Variants in RYR2 observed in about 807,000 individuals in gnomAD.
RYR2 encodes ryanodine receptor 2, also known as cardiac muscle ryanodine receptor-calcium release channel.
A neutral mutation model predicts 601.1 loss-of-function variants in RYR2; 227 were observed. That is an observed-to-expected ratio of 0.38 (90% CI 0.34 to 0.42). RYR2 has a LOEUF of 0.42. Ranked by LOEUF, RYR2 falls within the 10% of genes least tolerant of loss-of-function variation. The pLI, the probability that RYR2 is intolerant of heterozygous loss-of-function variation, is 1.00. For missense variants in RYR2, 4,646 were observed against 6,156.5 expected, an observed-to-expected ratio of 0.75 and a Z score of 8.21; for synonymous variants, 2,223 against 2,175.1, an observed-to-expected ratio of 1.02 and a Z score of -0.61.
chr1:237,188,832 G>A lies in RYR2; in HGVS notation c.49-81665G>A, dbSNP rs139263610. 1.7e-4 allele frequency among the ~76,000 whole-genome samples: 26 copies of A among 152,250 alleles called. No homozygotes were observed. The East Asian group carries it at 3.5e-3, about 20-fold the overall frequency. On this transcript the variant is annotated intron_variant, in intron 1 of 104. Coordinates refer to ENST00000366574, the MANE Select transcript of RYR2 (RefSeq NM_001035.3). The stretch of plus-strand genomic sequence containing the variant: ...TGCAGCATTATTTTGTAGACTCGAT[G>A]CGGACTGCCTTAATATTTTACAGCA...
intron 70 of RYR2, among the ~76,000 whole-genome samples, chr1:237,710,113 T>G (rs1573620021): frequency 6.6e-6 from 1 of 152,224 alleles, no homozygotes; most frequent in East Asian, 1.9e-4. Flanking sequence ...CACTATTTTG[T>G]GTATTGCAAG....
rs1683042825 is a variant in RYR2 at position 237,654,346 on chromosome 1, G to A, written c.7897G>A (p.Ala2633Thr). ...LPGGWGNFGA[A>T]SEEELHLSRK... is the part of the protein sequence containing the mutation. ...TGGAGGGTGGGGAAACTTTGGTGCT[G>A]CCTCAGAAGAAGAACTTCATTTATC... The change falls in exon 52 of 105, where the codon GCC becomes ACC. Residue 2633 changes from alanine (A) to threonine (T), a missense_variant. Ala to Thr is a moderately conservative substitution (Grantham distance 58). Coordinates refer to ENST00000366574, the MANE Select transcript of RYR2 (RefSeq NM_001035.3). 5.0e-6 allele frequency: 8 copies of A among 1,613,968 alleles called. No individual in the cohort carries two copies. The highest frequency in any genetic ancestry group is 6.8e-6 in the Non-Finnish European group (8 of 1,179,854).
intron 1 of RYR2, among the ~76,000 whole-genome samples, chr1:237,100,010 T>C (rs1338358138): frequency 6.6e-6 from 1 of 152,168 alleles, no homozygotes; most frequent in Non-Finnish European, 1.5e-5. Context: ...CCTCAGCTCC[T>C]GGGGCTAAGG....
intron 90 of RYR2, 66 bp downstream of exon 90, chr1:237,785,038 T>G: frequency 1.7e-6 from 2 of 1,153,998 alleles, no homozygotes; most frequent in Non-Finnish European, 2.5e-6. Flanking sequence ...AAATGATCAT[T>G]AGACCAGGTT....
chr1:237,566,260 C>T (rs1048874211), intron 27 of RYR2, among the ~76,000 whole-genome samples: 2 of 152,112 alleles, frequency 1.3e-5, no homozygotes, highest in Non-Finnish European at 2.9e-5. Context: ...CACCAAGGCA[C>T]TTGGGTTTTG....
intron 56 of RYR2, among the ~76,000 whole-genome samples, chr1:237,663,339 A>G (rs919565077): frequency 4.6e-5 from 7 of 152,352 alleles, no homozygotes; most frequent in Admixed American, 4.6e-4. Context: ...TCTTCTGACT[A>G]AAGGAACACT....
intron 81 of RYR2, 148 bp from the exon 82 acceptor site, chr1:237,757,549 T>C (rs1693056582): frequency 4.0e-6 from 2 of 504,834 alleles, no homozygotes; most frequent in Non-Finnish European, 7.1e-6. Flanking sequence ...GTTAGCATTT[T>C]TTGGAACATA....
intron 22 of RYR2, among the ~76,000 whole-genome samples, chr1:237,505,125 C>A (rs977208243): frequency 9.9e-5 from 15 of 152,240 alleles, no homozygotes; most frequent in East Asian, 3.8e-4. Flanking sequence ...ATCAAGTACT[C>A]TTCCCTTAGG....
At chr1:237,637,224 A>G (rs1273723438) in intron 44 of RYR2, among the ~76,000 whole-genome samples, 1 of 152,134 alleles carries the variant, frequency 6.6e-6, no homozygotes, top group Non-Finnish European at 1.5e-5. Flanking sequence ...TTTTAGCTAT[A>G]TTATTATTTA....
chr1:237,705,678 T>A (rs2149051830), intron 67 of RYR2, among the ~76,000 whole-genome samples: 1 of 152,216 alleles, frequency 6.6e-6, no homozygotes, highest in South Asian at 2.1e-4. Flanking sequence ...CTAGACGTAA[T>A]CCCAGGTTTC....
At chr1:237,449,299 G>T (rs916582540) in intron 14 of RYR2, among the ~76,000 whole-genome samples, 1 of 151,884 alleles carries the variant, frequency 6.6e-6, no homozygotes, top group African/African-American at 2.4e-5. Flanking sequence ...TACTTTATTT[G>T]TATTTTAGTG....
chr1:237,182,087 G>GCT (rs1678824582), intron 1 of RYR2, among the ~76,000 whole-genome samples: 1 of 149,008 alleles, frequency 6.7e-6, no homozygotes, highest in Non-Finnish European at 1.5e-5. Flanking sequence ...GATTATGTGA[G>GCT]ATGAAACTCC....
chr1:237,569,865 G>A (rs1672481460), intron 29 of RYR2, among the ~76,000 whole-genome samples: 1 of 152,186 alleles, frequency 6.6e-6, no homozygotes, highest in Non-Finnish European at 1.5e-5. Context: ...GAAGCACCAT[G>A]CAGGGAGCAC....
chr1:237,457,634 G>A (rs949115300), intron 16 of RYR2, among the ~76,000 whole-genome samples: 1 of 152,154 alleles, frequency 6.6e-6, no homozygotes, highest in African/African-American at 2.4e-5. Context: ...TGAGCTCAGG[G>A]AGTGTGAGTT....
intron 11 of RYR2, among the ~76,000 whole-genome samples, chr1:237,419,365 A>G (rs1019287575): frequency 6.6e-6 from 1 of 151,838 alleles, no homozygotes; most frequent in Non-Finnish European, 1.5e-5. Context: ...TATCGATACT[A>G]TTGATGAGCT....
chr1:237,292,354 C>T (rs1450283820), intron 2 of RYR2, among the ~76,000 whole-genome samples: 5 of 152,006 alleles, frequency 3.3e-5, no homozygotes, highest in Non-Finnish European at 7.4e-5. Flanking sequence ...AAAATAGGTA[C>T]AAAATATTAG....
intron 1 of RYR2, among the ~76,000 whole-genome samples, chr1:237,141,040 C>T (rs1032328512): frequency 6.6e-6 from 1 of 152,174 alleles, no homozygotes; most frequent in Non-Finnish European, 1.5e-5. Context: ...GAAAATCATT[C>T]TGCAATGCAC....
At chr1:237,265,798 A>T (rs1029155011) in intron 1 of RYR2, among the ~76,000 whole-genome samples, 2 of 152,200 alleles carry the variant, frequency 1.3e-5, no homozygotes, top group Non-Finnish European at 2.9e-5. Context: ...AATGAGAGAT[A>T]ATTGTAGCTT....
chr1:237,326,139 T>C (rs1233649860), intron 2 of RYR2, among the ~76,000 whole-genome samples: 2 of 152,176 alleles, frequency 1.3e-5, no homozygotes, highest in African/African-American at 4.8e-5. Context: ...GTTGGAAACC[T>C]AATTGATTTT....
Sources: gnomAD v4.1 joint callset for allele counts (sites outside exome capture counted in the v4.1 genomes callset) on GRCh38, gnomAD v4.1.1 for gene constraint, MANE v1.5 for transcripts, NCBI Gene and HGNC (gene_info 2026-07-23, HGNC 2026-07-21) for gene names.